The following GPR158 variants were observed in gnomAD, a reference collection of about 807,000 sequenced individuals.
GPR158 encodes the protein G protein-coupled receptor 158.
GPR158 carries 30 observed loss-of-function variants against 78.2 expected under a neutral mutation model. The observed-to-expected ratio is 0.38, with a 90% confidence interval of 0.29 to 0.52. The LOEUF (loss-of-function observed/expected upper bound fraction) is 0.52. Among genes scored for constraint, GPR158 ranks in the 20% least tolerant of loss-of-function variants. GPR158 has a pLI of 0.83. For synonymous variants in GPR158, 581 were observed against 591.1 expected (o/e 0.98, Z 0.25); for missense variants, 1,463 against 1,523.5 (o/e 0.96, Z 0.66).
At chr10:25,578,110 G>A (rs973642420) in intron 7 of GPR158, among the ~76,000 whole-genome samples, 2 of 152,070 alleles carry the variant, frequency 1.3e-5, no homozygotes, top group Non-Finnish European at 2.9e-5. Flanking sequence ...ACATACTATG[G>A]TACTTACACT....
intron 2 of GPR158, among the ~76,000 whole-genome samples, chr10:25,341,356 A>G (rs1011499732): frequency 6.6e-6 from 1 of 151,964 alleles, no homozygotes; most frequent in African/African-American, 2.4e-5. Flanking sequence ...ATTGGAAGGG[A>G]AGTTAATTAT....
At chr10:25,398,834 A>G (rs1332650117) in intron 3 of GPR158, among the ~76,000 whole-genome samples, 1 of 152,094 alleles carries the variant, frequency 6.6e-6, no homozygotes, top group Admixed American at 6.6e-5. Flanking sequence ...GCCAAGACCA[A>G]CCTTCCTCAC....
At position 25,176,099 on chromosome 10, in the gene GPR158, C is replaced by A; in HGVS notation, c.679C>A (p.Arg227=). The A allele has an allele frequency of 1.3e-6, 2 of 1,585,998 alleles. No individual in the cohort carries two copies. The highest frequency in any genetic ancestry group is 8.6e-7 in the Non-Finnish European group (1 of 1,167,092). Residue 227 remains arginine (R), a synonymous_variant, in exon 1 of 11, where the codon CGG becomes AGG. Coordinates refer to ENST00000376351, the MANE Select transcript of GPR158 (RefSeq NM_020752.3). The surrounding 1 kb of genome is among the most constrained non-coding windows in gnomAD (Gnocchi z 6.3). ...TLETEWFHGL[R]RKWRPHLHRR... is the part of the protein sequence containing the mutation. Reference sequence around the variant, plus strand: ...GGAGACCGAGTGGTTCCACGGCCTCCGGCGCAAGTGGAGGCCCCACTTACA... The same window carrying A: ...GGAGACCGAGTGGTTCCACGGCCTCAGGCGCAAGTGGAGGCCCCACTTACA...
intron 7 of GPR158, among the ~76,000 whole-genome samples, chr10:25,587,347 C>T (rs561373926): frequency 2.0e-5 from 3 of 152,168 alleles, no homozygotes; most frequent in South Asian, 4.2e-4. Context: ...ACAATTAGAC[C>T]AGTTTCCAAG....
intron 2 of GPR158, among the ~76,000 whole-genome samples, chr10:25,371,079 G>A (rs1169240761): frequency 6.7e-6 from 1 of 148,248 alleles, no homozygotes; most frequent in East Asian, 2.0e-4. Flanking sequence ...TGTGAGATGG[G>A]TTTCCTGAAT....
intron 1 of GPR158, among the ~76,000 whole-genome samples, chr10:25,202,411 A>G (rs1193858881): frequency 6.6e-6 from 1 of 151,840 alleles, no homozygotes; most frequent in Non-Finnish European, 1.5e-5. Flanking sequence ...CACTCCCGCC[A>G]CCCCACAACA....
intron 2 of GPR158, among the ~76,000 whole-genome samples, chr10:25,250,434 T>C (rs1288280387): frequency 6.8e-6 from 1 of 147,462 alleles, no homozygotes; most frequent in Non-Finnish European, 1.5e-5. Flanking sequence ...TTTCCTGCTT[T>C]CTCTTGTGGG....
chr10:25,300,340 T>A (rs992859067), intron 2 of GPR158, among the ~76,000 whole-genome samples: 1 of 152,210 alleles, frequency 6.6e-6, no homozygotes. Context: ...TCTTCCATAG[T>A]CATCTCCAGT....
intron 2 of GPR158, among the ~76,000 whole-genome samples, chr10:25,231,966 A>G (rs1461621851): frequency 2.0e-5 from 3 of 152,192 alleles, no homozygotes; most frequent in Admixed American, 2.0e-4. Flanking sequence ...GGGCAGGGCA[A>G]GAGTAGGCTG....
intron 2 of GPR158, among the ~76,000 whole-genome samples, chr10:25,376,548 A>G (rs1381724815): frequency 6.6e-6 from 1 of 151,670 alleles, no homozygotes; most frequent in East Asian, 1.9e-4. Flanking sequence ...AACCATACAT[A>G]TTGATTTAGA....
At chr10:25,535,476 GAC>G (rs1836487054) in intron 5 of GPR158, among the ~76,000 whole-genome samples, 1 of 152,172 alleles carries the variant, frequency 6.6e-6, no homozygotes, top group South Asian at 2.1e-4. Flanking sequence ...GGCAAATGCT[GAC>G]AACAGCAGCA....
intron 2 of GPR158, among the ~76,000 whole-genome samples, chr10:25,313,973 T>C (rs1208536512): frequency 6.6e-6 from 1 of 152,224 alleles, no homozygotes; most frequent in Non-Finnish European, 1.5e-5. Context: ...CACTTTTTGG[T>C]TTGGCAATTT....
chr10:25,478,801 C>G (rs4630196), intron 5 of GPR158, among the ~76,000 whole-genome samples: 53,279 of 124,200 alleles, frequency 0.43, 11,272 homozygotes, highest in East Asian at 0.78. Context: ...TCCCTCCCCC[C>G]ACCCCACGAC....
At chr10:25,557,394 G>A (rs1225514890) in intron 6 of GPR158, among the ~76,000 whole-genome samples, 1 of 152,166 alleles carries the variant, frequency 6.6e-6, no homozygotes, top group African/African-American at 2.4e-5. Context: ...CTTGCACACA[G>A]CTTATCATTA....
At chr10:25,595,826 A>T (rs1837397549) in intron 9 of GPR158, among the ~76,000 whole-genome samples, 1 of 152,236 alleles carries the variant, frequency 6.6e-6, no homozygotes, top group South Asian at 2.1e-4. Context: ...ATGGTTGCAC[A>T]ACCTCATGAA....
rs201572447 is a variant in GPR158, at chr10:25,338,594, ATAT to A, written c.1009-57310_1009-57308del. ...TTATTATATATAATACATATTATAT[ATAT>A]TATTATATATAAAAAATCATATAAA... On this transcript the variant is annotated intron_variant, in intron 2 of 10. Coordinates refer to ENST00000376351, the MANE Select transcript of GPR158 (RefSeq NM_020752.3). 8.8e-3 allele frequency among the ~76,000 whole-genome samples: 1,294 copies of A among 146,774 alleles called. 19 individuals are homozygous for A. Among genetic ancestry groups the A allele is most frequent in the African/African-American group, 0.031 (1,245 of 40,536 alleles).
chr10:25,411,598 T>C (rs1439042209), intron 3 of GPR158, among the ~76,000 whole-genome samples: 1 of 152,124 alleles, frequency 6.6e-6, no homozygotes, highest in Non-Finnish European at 1.5e-5. Context: ...ATTTGTGGAA[T>C]GTGATTTTTG....
chr10:25,183,092 A>G (rs1852633768), intron 1 of GPR158, among the ~76,000 whole-genome samples: 1 of 152,210 alleles, frequency 6.6e-6, no homozygotes. Flanking sequence ...GTAATAAACT[A>G]AAATTTGTTT....
chr10:25,377,665 C>T (rs1034749567), intron 2 of GPR158, among the ~76,000 whole-genome samples: 18 of 151,848 alleles, frequency 1.2e-4, no homozygotes, highest in Non-Finnish European at 1.8e-4. Flanking sequence ...TTTCACCTAG[C>T]GTACTTTTTT....
Sources: gnomAD v4.1 joint callset for allele counts (sites outside exome capture counted in the v4.1 genomes callset) on GRCh38, gnomAD v4.1.1 for gene constraint, Gnocchi (gnomAD v3.1) non-coding constraint, MANE v1.5 for transcripts, NCBI Gene and HGNC (gene_info 2026-07-23, HGNC 2026-07-21) for gene names.